The following MRPL3 variants were observed in gnomAD, a reference collection of about 807,000 sequenced individuals.
MRPL3 encodes mitochondrial ribosomal protein L3, also known as large ribosomal subunit protein uL3m.
A neutral mutation model predicts 44.3 loss-of-function variants in MRPL3; 43 were observed. That is an observed-to-expected ratio of 0.97 (90% CI 0.76 to 1.25). MRPL3 has a LOEUF of 1.25. Ranked by LOEUF, MRPL3 falls within the 50% of genes most tolerant of loss-of-function variation. The pLI, the probability that MRPL3 is intolerant of heterozygous loss-of-function variation, is 0.00. For missense variants in MRPL3, 406 were observed against 427.6 expected (o/e 0.95, Z 0.45); for synonymous variants, 171 against 152.3 (o/e 1.12, Z -0.91).
chr3:131,479,011 A>G (rs992693709), intron 6 of MRPL3: 5 of 384,104 alleles, frequency 1.3e-5, no homozygotes, highest in African/African-American at 2.1e-5. Flanking sequence ...TTGATTTTTA[A>G]TTTTTAAAAA....
Position 131,502,904 on chromosome 3 carries a change from T to C in MRPL3, c.-83A>G, listed in dbSNP as rs2046058624. The C allele has an allele frequency of 7.8e-7, 1 of 1,279,788 alleles. No homozygotes were observed. The highest frequency in any genetic ancestry group is 1.1e-6 in the Non-Finnish European group (1 of 895,588). 79.3% of individuals were successfully genotyped at this position (1,279,788 alleles called of 1,614,324 possible). ...AGGGAGTCCCCACGCCACCGCCACG[T>C]GGACGCAGTAGCCGTGGGGAAGTTT... On this transcript the variant is annotated 5_prime_UTR_variant, in exon 1 of 10. Transcript: ENST00000264995.
chr3:131,462,616 G>A lies in MRPL3; in HGVS notation c.*107C>T, dbSNP rs1933514343. The A allele has an allele frequency of 9.2e-7, 1 of 1,092,246 alleles. No individual in the cohort carries two copies. Among genetic ancestry groups the A allele is most frequent in the African/African-American group, 1.6e-5 (1 of 63,300 alleles). 67.7% of individuals were successfully genotyped at this position (1,092,246 alleles called of 1,614,324 possible). A position where few individuals can be genotyped will look rare whatever the true frequency, so the allele number is the denominator to read the frequency against. On this transcript the variant is annotated 3_prime_UTR_variant, in exon 10 of 10. Transcript: ENST00000264995. Reference sequence around the variant, plus strand: ...TGCCCTTGACAAAGATGACATGTGTGATTTTGTTGTGACTAAGAAAGGAGA... The same window carrying A: ...TGCCCTTGACAAAGATGACATGTGTAATTTTGTTGTGACTAAGAAAGGAGA...
intron 8 of MRPL3, among the ~76,000 whole-genome samples, chr3:131,469,213 C>G (rs1215624561): frequency 1.3e-5 from 2 of 151,478 alleles, no homozygotes; most frequent in African/African-American, 4.8e-5. Flanking sequence ...CACTCTCCTC[C>G]TTACACTTAC....
chr3:131,499,374 T>C (rs1934443095), intron 3 of MRPL3, among the ~76,000 whole-genome samples: 1 of 152,226 alleles, frequency 6.6e-6, no homozygotes, highest in Non-Finnish European at 1.5e-5. Flanking sequence ...TACTTGGAAG[T>C]GGAATTGCTA....
intron 6 of MRPL3, among the ~76,000 whole-genome samples, chr3:131,472,933 G>T (rs1933771995): frequency 1.3e-5 from 2 of 152,124 alleles, no homozygotes; most frequent in Non-Finnish European, 2.9e-5. Context: ...TGGGTAAATG[G>T]AAAGCTATCT....
chr3:131,498,340 G>T, intron 3 of MRPL3, 63 bp from the exon 4 acceptor site: 3 of 1,032,044 alleles, frequency 2.9e-6, no homozygotes, highest in Non-Finnish European at 4.5e-6. Flanking sequence ...TTACAAACCA[G>T]CCCCATTGAG....
chr3:131,489,933 G>T, intron 5 of MRPL3, 48 bp downstream of exon 5: 1 of 1,140,222 alleles, frequency 8.8e-7, no homozygotes, highest in Non-Finnish European at 1.3e-6. Context: ...TAAACAAATT[G>T]CATATTTGGG....
chr3:131,477,045 G>C lies in MRPL3; in HGVS notation c.630-5766C>G, dbSNP rs540980256. 2.8e-4 allele frequency among the ~76,000 whole-genome samples: 42 copies of C among 152,342 alleles called. 1 individual carries two copies. The South Asian group carries it at 7.9e-3, about 29-fold the overall frequency. On this transcript the variant is annotated intron_variant, in intron 6 of 9. Coordinates refer to ENST00000264995, the MANE Select transcript of MRPL3 (RefSeq NM_007208.4). ...TCCCGCTGAATTCTATAAATCTCTA[G>C]AGATTCTTACTATGAGAATTGTATT...
intron 6 of MRPL3, among the ~76,000 whole-genome samples, chr3:131,482,407 C>T (rs1934010556): frequency 6.6e-6 from 1 of 151,282 alleles, no homozygotes; most frequent in Non-Finnish European, 1.5e-5. Flanking sequence ...TCCAGCTACT[C>T]GGGAGGCTGA....
Position 131,462,774 on chromosome 3 carries a change from CAA to C in MRPL3, c.994_995del (p.Leu332ValfsTer2). The C allele has an allele frequency of 6.2e-7, 1 of 1,612,934 alleles. No individual in the cohort carries two copies. Among genetic ancestry groups the C allele is most frequent in the South Asian group, 1.1e-5 (1 of 90,956 alleles). On this transcript the variant is annotated frameshift_variant, in exon 10 of 10. Transcript: ENST00000264995. LOFTEE classifies it high-confidence loss of function. The part of the protein sequence containing the change: ...DGDEEELPED[L>X]YDENVCQPGA... The stretch of plus-strand genomic sequence containing the variant: ...CGGGCTGACACACGTTTTCATCATA[CAA>C]ATCTTCTGGCAGTTCCTCTTCATCT...
rs574762559 is a variant in MRPL3, at chr3:131,472,289, A to G, written c.630-1010T>C. 2.0e-5 allele frequency among the ~76,000 whole-genome samples: 3 copies of G among 152,316 alleles called. No individual in the cohort carries two copies. In the East Asian group the frequency reaches 5.8e-4, roughly 29 times the overall value. On this transcript the variant is annotated intron_variant, in intron 6 of 9. Coordinates refer to ENST00000264995, the MANE Select transcript of MRPL3 (RefSeq NM_007208.4). ...GAAACAAATGGAGAAATAAAATCAGAGAGTAACAATTTCTTACTAATCTAA... is the reference window on the plus strand; with the variant it reads ...GAAACAAATGGAGAAATAAAATCAGGGAGTAACAATTTCTTACTAATCTAA...
intron 9 of MRPL3, among the ~76,000 whole-genome samples, chr3:131,464,477 C>A (rs1204044192): frequency 1.3e-5 from 2 of 151,966 alleles, no homozygotes; most frequent in African/African-American, 4.8e-5. Flanking sequence ...TTATTATTTC[C>A]CTGCCTGCAC....
intron 2 of MRPL3, among the ~76,000 whole-genome samples, chr3:131,501,326 G>A (rs1934493011): frequency 6.6e-6 from 1 of 152,150 alleles, no homozygotes; most frequent in Non-Finnish European, 1.5e-5. Flanking sequence ...GCTTCTCAAG[G>A]AGGTCTTTAT....
chr3:131,488,904 C>CA (rs947598386), intron 5 of MRPL3: 13 of 151,858 alleles, frequency 8.6e-5, no homozygotes, highest in African/African-American at 2.9e-4. Flanking sequence ...ATTTGTCAAT[C>CA]AAAAAATAGT....
intron 6 of MRPL3, among the ~76,000 whole-genome samples, chr3:131,485,943 T>C (rs572940259): frequency 5.9e-5 from 9 of 152,272 alleles, no homozygotes; most frequent in African/African-American, 2.2e-4. Context: ...AGAGGGTTCC[T>C]AGTCAGAATA....
At position 131,502,923 on chromosome 3, in the gene MRPL3, G is replaced by A. The variant is rs951049860; in HGVS notation, c.-102C>T. ...GCCACGTGGACGCAGTAGCCGTGGG[G>A]AAGTTTTCGCAATGGCCGCCGGAAC... is the stretch of plus-strand genomic sequence containing the variant. On this transcript the variant is annotated 5_prime_UTR_variant, in exon 1 of 10. Coordinates refer to ENST00000264995, the MANE Select transcript of MRPL3 (RefSeq NM_007208.4). 4.3e-6 allele frequency: 5 copies of A among 1,160,432 alleles called. No individual in the cohort carries two copies. Among genetic ancestry groups the A allele is most frequent in the Non-Finnish European group, 6.3e-6 (5 of 793,604 alleles). The allele number at this position is 1,160,432 out of a possible 1,614,324, so 71.9% of individuals were successfully genotyped here.
At position 131,481,982 on chromosome 3, in the gene MRPL3, CAG is replaced by C. The variant is rs560942600; in HGVS notation, c.629+5696_629+5697del. On this transcript the variant is annotated intron_variant, in intron 6 of 9. Coordinates refer to ENST00000264995, the MANE Select transcript of MRPL3 (RefSeq NM_007208.4). ...CCAGTTAGAACAATGAGCTTGTGGGCAGAGTTTCTGACAGTATGTAGACACTC... is the reference window on the plus strand; with the variant it reads ...CCAGTTAGAACAATGAGCTTGTGGGCAGTTTCTGACAGTATGTAGACACTC... Among the ~76,000 whole-genome samples the C allele has an allele frequency of 1.1e-3, 170 of 152,296 alleles. 1 individual carries two copies. The highest frequency in any genetic ancestry group is 3.4e-3 in the Middle Eastern group (1 of 294).
chr3:131,479,553 G>A (rs940566718), intron 6 of MRPL3, among the ~76,000 whole-genome samples: 1 of 152,076 alleles, frequency 6.6e-6, no homozygotes, highest in African/African-American at 2.4e-5. Context: ...TTAGAATTAA[G>A]ATGAAATCGG....
chr3:131,483,137 C>T (rs1260192481), intron 6 of MRPL3, among the ~76,000 whole-genome samples: 6 of 152,004 alleles, frequency 3.9e-5, no homozygotes, highest in African/African-American at 9.7e-5. Context: ...TCTTCAAAAT[C>T]GAGACTGAAA....
Sources: gnomAD v4.1 joint callset for allele counts (sites outside exome capture counted in the v4.1 genomes callset) on GRCh38, gnomAD v4.1.1 for gene constraint, MANE v1.5 for transcripts, NCBI Gene and HGNC (gene_info 2026-07-23, HGNC 2026-07-21) for gene names.